The following PDE8A variants were observed in gnomAD, a reference collection of about 807,000 sequenced individuals.
PDE8A encodes high affinity cAMP-specific and IBMX-insensitive 3',5'-cyclic phosphodiesterase 8A.
PDE8A carries 59 observed loss-of-function variants against 105.0 expected under a neutral mutation model. The ratio of observed to expected loss-of-function variants is 0.56; its 90% confidence interval spans 0.46 to 0.70. PDE8A has a LOEUF of 0.70. PDE8A is among the 30% of genes least tolerant of loss of function. PDE8A has a pLI of 0.00. For synonymous variants in PDE8A, 355 were observed against 371.9 expected, an observed-to-expected ratio of 0.95 and a Z score of 0.52; for missense variants, 1,014 against 1,045.9, an observed-to-expected ratio of 0.97 and a Z score of 0.42.
At chr15:85,132,485 G>A (rs1228285745) in intron 20 of PDE8A, among the ~76,000 whole-genome samples, 1 of 152,092 alleles carries the variant, frequency 6.6e-6, no homozygotes, top group Non-Finnish European at 1.5e-5. Flanking sequence ...TCAAATTTGA[G>A]ATGGAGTTTT....
intron 1 of PDE8A, among the ~76,000 whole-genome samples, chr15:85,038,112 CACTT>C (rs2080737722): frequency 6.6e-6 from 1 of 152,084 alleles, no homozygotes; most frequent in South Asian, 2.1e-4. Context: ...TTGATGAGCT[CACTT>C]TCTTTTGCTA....
At chr15:85,047,611 A>G (rs1192222434) in intron 1 of PDE8A, among the ~76,000 whole-genome samples, 1 of 152,258 alleles carries the variant, frequency 6.6e-6, no homozygotes, top group Non-Finnish European at 1.5e-5. Flanking sequence ...TCATAGTCTT[A>G]AATCTTTTAA....
chr15:85,035,312 G>T (rs917335413), intron 1 of PDE8A, among the ~76,000 whole-genome samples: 1 of 138,306 alleles, frequency 7.2e-6, no homozygotes, highest in Non-Finnish European at 1.5e-5. Context: ...AGGTTCAACC[G>T]ATTCTCCTGC....
At chr15:85,001,116 C>G (rs141097211) in intron 1 of PDE8A, among the ~76,000 whole-genome samples, 2 of 152,278 alleles carry the variant, frequency 1.3e-5, no homozygotes, top group East Asian at 3.9e-4. Flanking sequence ...TGCGCCCTCT[C>G]CAGCTTCTTC....
intron 9 of PDE8A, among the ~76,000 whole-genome samples, chr15:85,098,353 A>G (rs946001546): frequency 2.0e-5 from 3 of 152,242 alleles, no homozygotes; most frequent in Non-Finnish European, 4.4e-5. Context: ...GACTCCCTAT[A>G]TTGAAAAGAT....
chr15:85,123,370 A>ACACT (rs1485369808), intron 19 of PDE8A, among the ~76,000 whole-genome samples, 177 bp downstream of exon 19: 1 of 130,706 alleles, frequency 7.7e-6, no homozygotes, highest in African/African-American at 2.6e-5. Flanking sequence ...ACACACACAC[A>ACACT]CACACACACA....
chr15:85,117,389 G>A (rs1011180010), intron 16 of PDE8A, among the ~76,000 whole-genome samples: 2 of 152,086 alleles, frequency 1.3e-5, no homozygotes, highest in Non-Finnish European at 2.9e-5. Context: ...CCAACAAATC[G>A]GGAGCCCCAA....
chr15:85,094,682 G>A (rs374729802), intron 8 of PDE8A, among the ~76,000 whole-genome samples: 2 of 151,938 alleles, frequency 1.3e-5, no homozygotes, highest in African/African-American at 4.8e-5. Flanking sequence ...CTTCCTCCCC[G>A]TTGGTCCCCT....
At chr15:85,076,967 G>A (rs554849769) in intron 5 of PDE8A, among the ~76,000 whole-genome samples, 180 bp downstream of exon 5, 51 of 152,094 alleles carry the variant, frequency 3.4e-4, no homozygotes, top group African/African-American at 1.2e-3. Context: ...GACCCCTTGG[G>A]CCCAGGAGTT....
Position 85,100,028 on chromosome 15 carries a change from T to A in PDE8A, c.955T>A (p.Tyr319Asn). Residue 319 changes from tyrosine (Y) to asparagine (N), a missense_variant, in exon 10 of 22, where the codon TAT becomes AAT. Coordinates refer to ENST00000394553, the MANE Select transcript of PDE8A (RefSeq NM_002605.3). ...TTTTACTTGCAGAAAAATTAGACAC[T>A]ATGTGTCCATTATCAGAGTGTGCAA... ...VIGQGGKIRH[Y>N]VSIIRVCNGN... is the part of the protein sequence containing the mutation. 6.2e-7 allele frequency: 1 copy of A among 1,612,714 alleles called. No homozygotes were observed. Among genetic ancestry groups the A allele is most frequent in the Non-Finnish European group, 8.5e-7 (1 of 1,179,302 alleles).
At chr15:85,014,739 A>G (rs944792178) in intron 1 of PDE8A, among the ~76,000 whole-genome samples, 23 of 152,142 alleles carry the variant, frequency 1.5e-4, no homozygotes, top group African/African-American at 5.6e-4. Context: ...ATCACTCCAT[A>G]GTTGTCTATG....
intron 9 of PDE8A, among the ~76,000 whole-genome samples, chr15:85,098,552 T>G (rs1319760237): frequency 1.3e-5 from 2 of 152,074 alleles, no homozygotes; most frequent in Non-Finnish European, 2.9e-5. Flanking sequence ...CTTAAAGAAA[T>G]AATATGGTAA....
At chr15:85,117,220 T>A (rs930606235) in intron 16 of PDE8A, among the ~76,000 whole-genome samples, 1 of 152,206 alleles carries the variant, frequency 6.6e-6, no homozygotes, top group East Asian at 1.9e-4. Context: ...TGTTTTCTTA[T>A]AGGCAGGATG....
At chr15:85,065,716 C>A (rs2081213616) in intron 2 of PDE8A, among the ~76,000 whole-genome samples, 1 of 152,236 alleles carries the variant, frequency 6.6e-6, no homozygotes, top group African/African-American at 2.4e-5. Flanking sequence ...GGCTGCCCAT[C>A]TCCTCCTTAC....
At chr15:85,132,903 C>T (rs1278536672) in intron 20 of PDE8A, among the ~76,000 whole-genome samples, 1 of 152,000 alleles carries the variant, frequency 6.6e-6, no homozygotes, top group African/African-American at 2.4e-5. Flanking sequence ...GTTTTCAAGT[C>T]TTTGTCCAGT....
chr15:85,129,472 T>C (rs564860294), intron 20 of PDE8A, among the ~76,000 whole-genome samples: 1 of 152,328 alleles, frequency 6.6e-6, no homozygotes, highest in East Asian at 1.9e-4. Flanking sequence ...AGGTTGCATG[T>C]TTCTAGGAGT....
chr15:85,026,362 A>T (rs536874846), intron 1 of PDE8A, among the ~76,000 whole-genome samples: 1 of 152,154 alleles, frequency 6.6e-6, no homozygotes, highest in South Asian at 2.1e-4. Context: ...ATCAGCTGGG[A>T]CCAATGACCA....
chr15:85,015,244 CT>C (rs71138359), intron 1 of PDE8A, among the ~76,000 whole-genome samples: 10 of 149,678 alleles, frequency 6.7e-5, no homozygotes, highest in Admixed American at 1.3e-4. Flanking sequence ...GTGCATAAGT[CT>C]TTTTTTTTTT....
intron 1 of PDE8A, among the ~76,000 whole-genome samples, chr15:85,019,446 G>A (rs1307897789): frequency 1.3e-5 from 2 of 152,106 alleles, no homozygotes; most frequent in Non-Finnish European, 2.9e-5. Flanking sequence ...AAGAAATGGG[G>A]TCTCGCTGTG....
Sources: allele counts gnomAD v4.1 joint callset (sites outside exome capture counted in the v4.1 genomes callset), GRCh38; gene constraint gnomAD v4.1.1; transcripts MANE v1.5; gene names NCBI Gene and HGNC (gene_info 2026-07-23, HGNC 2026-07-21).